Variants in RYR2 observed in about 807,000 individuals in gnomAD.
RYR2 encodes the protein ryanodine receptor 2.
A neutral mutation model predicts 601.1 loss-of-function variants in RYR2; 227 were observed. The observed-to-expected ratio is 0.38, with a 90% CI of 0.34 to 0.42. RYR2 has a LOEUF of 0.42. RYR2 is among the 10% of genes least tolerant of loss of function. RYR2 has a pLI of 1.00. For synonymous variants in RYR2, 2,223 were observed against 2,175.1 expected, an observed-to-expected ratio of 1.02 and a Z score of -0.61; for missense variants, 4,646 against 6,156.5, an observed-to-expected ratio of 0.75 and a Z score of 8.21.
intron 17 of RYR2, among the ~76,000 whole-genome samples, chr1:237,481,238 A>G (rs1662057495): frequency 6.6e-6 from 1 of 151,916 alleles, no homozygotes; most frequent in African/African-American, 2.4e-5. Context: ...GTTAACAGGA[A>G]GCAAAATGTG....
chr1:237,714,991 CAAAAAAAAAAAAAAAAAAAA>C (rs5781983), intron 71 of RYR2, among the ~76,000 whole-genome samples: 4 of 44,452 alleles, frequency 9.0e-5, no homozygotes, highest in African/African-American at 1.8e-4. Context: ...GACTCCATCT[CAAAAAAAAAAAAAAAAAAAA>C]AAAAAAAAAA....
intron 10 of RYR2, among the ~76,000 whole-genome samples, chr1:237,390,325 G>T (rs1702274328): frequency 6.6e-6 from 1 of 152,040 alleles, no homozygotes; most frequent in Non-Finnish European, 1.5e-5. Flanking sequence ...TCTGGGATTG[G>T]GGTTCTGCTC....
chr1:237,752,034 T>C (rs1052156868), intron 80 of RYR2, among the ~76,000 whole-genome samples: 32 of 152,208 alleles, frequency 2.1e-4, no homozygotes, highest in African/African-American at 7.5e-4. Flanking sequence ...AACTATAGGA[T>C]ATCACATCAT....
intron 1 of RYR2, among the ~76,000 whole-genome samples, chr1:237,127,765 G>A (rs1208394920): frequency 3.0e-4 from 46 of 151,138 alleles, no homozygotes; most frequent in South Asian, 8.4e-4. Flanking sequence ...GGGCAGAGGC[G>A]CTCCTCACAT....
At chr1:237,460,985 A>G (rs749929130) in intron 16 of RYR2, among the ~76,000 whole-genome samples, 1 of 152,094 alleles carries the variant, frequency 6.6e-6, no homozygotes, top group Non-Finnish European at 1.5e-5. Context: ...CATTCTTATT[A>G]TTGTTGTTTT....
At chr1:237,593,438 T>G in intron 32 of RYR2, 38 bp from the exon 33 acceptor site, 1 of 1,562,392 alleles carries the variant, frequency 6.4e-7, no homozygotes, top group Non-Finnish European at 8.7e-7. Flanking sequence ...TTTTGTTTAG[T>G]TTTACTTTGC....
chr1:237,146,494 C>G (rs1416266670), intron 1 of RYR2, among the ~76,000 whole-genome samples: 1 of 152,202 alleles, frequency 6.6e-6, no homozygotes, highest in Admixed American at 6.5e-5. Context: ...ACATAACAGT[C>G]GGCATGCTTG....
intron 70 of RYR2, among the ~76,000 whole-genome samples, chr1:237,710,736 G>A (rs1335462259): frequency 1.4e-5 from 2 of 139,262 alleles, no homozygotes; most frequent in Non-Finnish European, 3.1e-5. Flanking sequence ...CCGGTGACAG[G>A]TGGGAGCATT....
intron 14 of RYR2, among the ~76,000 whole-genome samples, chr1:237,449,550 A>G (rs960751193): frequency 6.6e-6 from 1 of 152,028 alleles, no homozygotes; most frequent in African/African-American, 2.4e-5. Context: ...ACATGTAGTT[A>G]TCATTTCTAG....
At chr1:237,488,083 T>C (rs1414921602) in intron 17 of RYR2, among the ~76,000 whole-genome samples, 1 of 152,310 alleles carries the variant, frequency 6.6e-6, no homozygotes, top group East Asian at 1.9e-4. Flanking sequence ...TCATATCTTT[T>C]CTAATATATT....
intron 5 of RYR2, among the ~76,000 whole-genome samples, chr1:237,368,539 C>A (rs965214663): frequency 2.0e-5 from 3 of 152,154 alleles, no homozygotes; most frequent in Admixed American, 6.5e-5. Flanking sequence ...TCTGGACCAA[C>A]GGCATCAGCA....
intron 84 of RYR2, among the ~76,000 whole-genome samples, chr1:237,761,479 C>A (rs918324274): frequency 2.0e-5 from 3 of 152,172 alleles, no homozygotes; most frequent in Admixed American, 6.6e-5. Flanking sequence ...CCCTCCTCTT[C>A]CCTTCCAGCA....
At chr1:237,111,732 T>G (rs1320675130) in intron 1 of RYR2, among the ~76,000 whole-genome samples, 2 of 152,214 alleles carry the variant, frequency 1.3e-5, no homozygotes, top group Non-Finnish European at 1.5e-5. Flanking sequence ...TTGCTCATTT[T>G]TGCCTATCCT....
chr1:237,707,483 C>A (rs955026688), intron 68 of RYR2, among the ~76,000 whole-genome samples: 4 of 152,084 alleles, frequency 2.6e-5, no homozygotes, highest in African/African-American at 9.7e-5. Context: ...ATTTTTCTGA[C>A]TTGTCAATCT....
At chr1:237,486,364 G>A (rs938784547) in intron 17 of RYR2, among the ~76,000 whole-genome samples, 2 of 152,124 alleles carry the variant, frequency 1.3e-5, no homozygotes, top group African/African-American at 4.8e-5. Flanking sequence ...AGTACCCTGA[G>A]ACCAACCCTA....
intron 20 of RYR2, among the ~76,000 whole-genome samples, chr1:237,497,965 G>A (rs1341835723): frequency 1.3e-5 from 2 of 151,824 alleles, no homozygotes; most frequent in African/African-American, 4.8e-5. Flanking sequence ...GGGTTCAAGC[G>A]ATTCTCATGC....
intron 50 of RYR2, among the ~76,000 whole-genome samples, chr1:237,651,081 C>T (rs1682684032): frequency 6.6e-6 from 1 of 152,214 alleles, no homozygotes; most frequent in Admixed American, 6.5e-5. Context: ...AGGGAAGAGA[C>T]ATTTACTAAA....
At position 237,793,889 on chromosome 1, in the gene RYR2, G is replaced by A. The variant is rs1553328160; in HGVS notation, c.13805G>A (p.Arg4602Gln). 4 of 1,608,646 alleles carry A rather than the reference G, an allele frequency of 2.5e-6. No homozygotes were observed. The highest frequency in any genetic ancestry group is 3.4e-6 in the Non-Finnish European group (4 of 1,175,796). The change falls in exon 95 of 105, where the codon CGA (arginine) becomes CAA (glutamine). Residue 4602 changes from arginine to glutamine, a missense_variant. Coordinates refer to ENST00000366574, the MANE Select transcript of RYR2 (RefSeq NM_001035.3). ...TAGGTCCCATTGGTTATTTTTAAGC[G>A]AGAAAAGGAAGTGGCACGGAAATTG... ...CLKVPLVIFK[R>Q]EKEVARKLEF...
At chr1:237,310,578 C>T (rs1213305702) in intron 2 of RYR2, among the ~76,000 whole-genome samples, 1 of 152,138 alleles carries the variant, frequency 6.6e-6, no homozygotes, top group East Asian at 1.9e-4. Context: ...TCCCCTCCAG[C>T]CCACTTTACC....
Sources: allele counts gnomAD v4.1 joint callset (sites outside exome capture counted in the v4.1 genomes callset), GRCh38; gene constraint gnomAD v4.1.1; transcripts MANE v1.5; gene names NCBI Gene and HGNC (gene_info 2026-07-23, HGNC 2026-07-21).